The following DNAJC17 variants were observed in gnomAD, a reference collection of about 807,000 sequenced individuals.
DNAJC17 encodes the protein dnaJ homolog subfamily C member 17.
A neutral mutation model predicts 48.1 loss-of-function variants in DNAJC17; 35 were observed. That is an observed-to-expected ratio of 0.73 (90% CI 0.56 to 0.96). The LOEUF (loss-of-function observed/expected upper bound fraction) is 0.96. Among genes scored for constraint, DNAJC17 ranks in the 50% least tolerant of loss-of-function variants. The probability of loss-of-function intolerance (pLI) is 0.00; values close to 1 mark genes in which losing one functional copy is unlikely to be tolerated. For missense variants in DNAJC17, 355 were observed against 377.1 expected, an observed-to-expected ratio of 0.94 and a Z score of 0.48; for synonymous variants, 117 against 142.7, an observed-to-expected ratio of 0.82 and a Z score of 1.28.
At chr15:40,806,097 T>C (rs542439594) in intron 1 of DNAJC17, among the ~76,000 whole-genome samples, 1 of 152,246 alleles carries the variant, frequency 6.6e-6, no homozygotes, top group East Asian at 1.9e-4. Context: ...ACAGCATTTC[T>C]CAAGGGCCCT....
chr15:40,797,875 C>T (rs1439658423), intron 1 of DNAJC17, among the ~76,000 whole-genome samples: 2 of 151,916 alleles, frequency 1.3e-5, no homozygotes, highest in African/African-American at 4.8e-5. Context: ...GCACCCACCA[C>T]CACGCCTGGC....
At chr15:40,774,751 G>A (rs1159035332) in intron 8 of DNAJC17, among the ~76,000 whole-genome samples, 6 of 152,170 alleles carry the variant, frequency 3.9e-5, no homozygotes, top group African/African-American at 9.7e-5. Context: ...TACGCACCTC[G>A]TCCCTCCCAA....
intron 2 of DNAJC17, 104 bp from the exon 3 acceptor site, chr15:40,779,707 CAG>C: frequency 7.5e-7 from 1 of 1,338,290 alleles, no homozygotes. Flanking sequence ...CACAGGATGG[CAG>C]ACAAGCCGAC....
chr15:40,770,516 C>T lies in DNAJC17; in HGVS notation c.793-2454G>A, dbSNP rs1443003287. 7.1e-6 allele frequency: 11 copies of T among 1,550,054 alleles called. No individual in the cohort carries two copies. The highest frequency in any genetic ancestry group is 9.6e-6 in the Non-Finnish European group (11 of 1,146,816). On this transcript the variant is annotated intron_variant, in intron 10 of 10. Coordinates refer to ENST00000220496, the MANE Select transcript of DNAJC17 (RefSeq NM_018163.3). This position sits in a 1 kb window ranked among gnomAD's most constrained non-coding sequence, Gnocchi z 5.0. Reference sequence around the variant, plus strand: ...GCCCCATGGAGACCTGGCGGAAAGGCTCCTTCCGCAACGCCTCCTTCTTCA... The same window carrying T: ...GCCCCATGGAGACCTGGCGGAAAGGTTCCTTCCGCAACGCCTCCTTCTTCA...
At chr15:40,768,342 G>GCGGGCCCTCTAAGC (rs1889015101) in intron 10 of DNAJC17, among the ~76,000 whole-genome samples, 3 of 152,174 alleles carry the variant, frequency 2.0e-5, no homozygotes, top group East Asian at 1.9e-4. Context: ...GGAATCACCT[G>GCGGGCCCTCTAAGC]CGGGCCCTCT....
At chr15:40,797,540 G>C (rs1282725125) in intron 1 of DNAJC17, among the ~76,000 whole-genome samples, 2 of 151,048 alleles carry the variant, frequency 1.3e-5, no homozygotes, top group African/African-American at 2.4e-5. Context: ...AGCCTCCCTA[G>C]CAGCTGGGAT....
rs1435426157 is a variant in DNAJC17, at chr15:40,769,449, G to A, written c.793-1387C>T. ...GAGGAGGCCACATCTCCCATCCCCAGGTTAATGCTGCTCTGCCAAGAAAAC... is the reference window on the plus strand; with the variant it reads ...GAGGAGGCCACATCTCCCATCCCCAAGTTAATGCTGCTCTGCCAAGAAAAC... On this transcript the variant is annotated intron_variant, in intron 10 of 10. Transcript: ENST00000220496. This position sits in a 1 kb window ranked among gnomAD's most constrained non-coding sequence, Gnocchi z 4.2. Among the ~76,000 whole-genome samples the A allele has an allele frequency of 6.6e-6, 1 of 152,236 alleles. No individual in the cohort carries two copies. Among genetic ancestry groups the A allele is most frequent in the African/African-American group, 2.4e-5 (1 of 41,466 alleles).
chr15:40,771,300 TG>T (rs1889133175), intron 10 of DNAJC17: 1 of 457,696 alleles, frequency 2.2e-6, no homozygotes, highest in Non-Finnish European at 3.9e-6. Flanking sequence ...AAGCTGGCTA[TG>T]CCGGGAAAGG....
intron 4 of DNAJC17, 103 bp from the exon 5 acceptor site, chr15:40,776,730 G>A (rs1011114671): frequency 1.8e-6 from 2 of 1,129,396 alleles, no homozygotes; most frequent in African/African-American, 1.5e-5. Flanking sequence ...CAATCACGAC[G>A]AGATCATACA....
At position 40,779,218 on chromosome 15, in the gene DNAJC17, C is replaced by T; in HGVS notation, c.295+5G>A. On this transcript the variant is annotated splice_donor_5th_base_variant and intron_variant, in intron 4 of 10. Coordinates refer to ENST00000220496, the MANE Select transcript of DNAJC17 (RefSeq NM_018163.3). ...CAGGCCACCGAGCACTATGATGGCACCTACCAAGCTTCACTTTCTTCCTTT... is the reference window on the plus strand; with the variant it reads ...CAGGCCACCGAGCACTATGATGGCATCTACCAAGCTTCACTTTCTTCCTTT... 1.2e-6 allele frequency: 2 copies of T among 1,614,018 alleles called. No homozygotes were observed. Among genetic ancestry groups the T allele is most frequent in the Admixed American group, 1.7e-5 (1 of 60,000 alleles).
In DNAJC17 at chr15:40,774,467, G is replaced by T; in HGVS notation, c.601-31C>A. ...GGGACAAAGGGGTCCTAATAAGCAT[G>T]ACTTGGCCTTCAGGATGGCCCAGGT... On this transcript the variant is annotated intron_variant, in intron 8 of 10. Transcript: ENST00000220496. The T allele has an allele frequency of 1.9e-6, 3 of 1,612,646 alleles. No individual in the cohort carries two copies. In the South Asian group the frequency reaches 3.3e-5, roughly 18 times the overall value.
chr15:40,801,625 C>T lies in DNAJC17; in HGVS notation c.78+5744G>A, dbSNP rs532431609. Among the ~76,000 whole-genome samples the T allele has an allele frequency of 2.0e-3, 303 of 151,372 alleles. 1 individual carries two copies. Among genetic ancestry groups the T allele is most frequent in the African/African-American group, 6.9e-3 (283 of 41,264 alleles). ...AAAATTAGCCGGGCGTGGTGGCGGGCGCCTGTAGTCCCAGCTACTCAGGAG... is the reference window on the plus strand; with the variant it reads ...AAAATTAGCCGGGCGTGGTGGCGGGTGCCTGTAGTCCCAGCTACTCAGGAG... On this transcript the variant is annotated intron_variant, in intron 1 of 10. Coordinates refer to ENST00000220496, the MANE Select transcript of DNAJC17 (RefSeq NM_018163.3).
At chr15:40,802,357 A>G (rs1439771008) in intron 1 of DNAJC17, among the ~76,000 whole-genome samples, 1 of 151,910 alleles carries the variant, frequency 6.6e-6, no homozygotes, top group African/African-American at 2.4e-5. Flanking sequence ...TTTAGTAGAG[A>G]TAGGATTTCA....
chr15:40,794,517 C>A (rs111594761), intron 1 of DNAJC17, among the ~76,000 whole-genome samples: 6,977 of 151,812 alleles, frequency 0.046, 532 homozygotes, highest in African/African-American at 0.16. Context: ...ACAAAAAATA[C>A]AAAAATTACC....
chr15:40,777,582 G>T (rs1391939050), intron 4 of DNAJC17, among the ~76,000 whole-genome samples: 1 of 152,108 alleles, frequency 6.6e-6, no homozygotes, highest in Non-Finnish European at 1.5e-5. Flanking sequence ...AGCCGGGTGT[G>T]GTGGTGCGCA....
intron 1 of DNAJC17, among the ~76,000 whole-genome samples, chr15:40,787,818 C>CA (rs1165252196): frequency 1.3e-5 from 2 of 152,066 alleles, no homozygotes; most frequent in East Asian, 3.9e-4. Flanking sequence ...CTGACTCACC[C>CA]AAAAAAGCTA....
intron 4 of DNAJC17, among the ~76,000 whole-genome samples, chr15:40,777,803 A>G (rs187103152): frequency 1.3e-5 from 2 of 152,270 alleles, no homozygotes; most frequent in African/African-American, 4.8e-5. Context: ...GCTTGCAGCA[A>G]TCTTATTGGG....
Position 40,796,067 on chromosome 15 carries a change from CA to C in DNAJC17, c.78+11301del, listed in dbSNP as rs564863749. Among the ~76,000 whole-genome samples, 318 of 152,274 alleles carry C rather than the reference CA, an allele frequency of 2.1e-3. 1 individual carries two copies. The highest frequency in any genetic ancestry group is 3.3e-3 in the Non-Finnish European group (225 of 68,016). Reference sequence around the variant, plus strand: ...TGAAATGCAATTCTGCATTATAAACCAAAAGCTTGTAAATATATTTACTCTC... The same window carrying C: ...TGAAATGCAATTCTGCATTATAAACCAAAGCTTGTAAATATATTTACTCTC... On this transcript the variant is annotated intron_variant, in intron 1 of 10. Coordinates refer to ENST00000220496, the MANE Select transcript of DNAJC17 (RefSeq NM_018163.3).
chr15:40,765,161 TTTCTTAA>T lies in DNAJC17; in HGVS notation c.*2772_*2778del, dbSNP rs1269320758. 1.3e-4 allele frequency: 20 copies of T among 152,364 alleles called. No homozygotes were observed. The highest frequency in any genetic ancestry group is 4.6e-4 in the African/African-American group (19 of 41,572). The allele number at this position is 152,364 out of a possible 1,614,324, so 9.4% of individuals were successfully genotyped here. A position where few individuals can be genotyped will look rare whatever the true frequency, so the allele number is the denominator to read the frequency against. ...AAATGGCCCCCCAAAGTGATTCTTA[TTTCTTAA>T]AAGATATGGCTTTATTGATATGTAA... is the stretch of plus-strand genomic sequence containing the variant. On this transcript the variant is annotated 3_prime_UTR_variant, in exon 11 of 11. Transcript: ENST00000220496.
Sources: gnomAD v4.1 joint callset for allele counts (sites outside exome capture counted in the v4.1 genomes callset) on GRCh38, gnomAD v4.1.1 for gene constraint, Gnocchi (gnomAD v3.1) non-coding constraint, MANE v1.5 for transcripts, NCBI Gene and HGNC (gene_info 2026-07-23, HGNC 2026-07-21) for gene names.